The following MOXD1 variants were observed in gnomAD, a reference collection of about 807,000 sequenced individuals.
MOXD1 encodes monooxygenase DBH like 1.
In MOXD1, 62 loss-of-function variants were observed where a neutral mutation model predicts 66.6. The ratio of observed to expected loss-of-function variants is 0.93; its 90% CI spans 0.76 to 1.15. The LOEUF is 1.15. Ranked by LOEUF, MOXD1 falls within the 50% of genes most tolerant of loss-of-function variation. The pLI is 0.00. For synonymous variants in MOXD1, 303 were observed against 281.9 expected, an observed-to-expected ratio of 1.07 and a Z score of -0.75; for missense variants, 847 against 754.6, an observed-to-expected ratio of 1.12 and a Z score of -1.44.
intron 1 of MOXD1, among the ~76,000 whole-genome samples, chr6:132,385,044 C>T (rs149954041): frequency 2.0e-5 from 3 of 152,100 alleles, no homozygotes; most frequent in Admixed American, 6.5e-5. Flanking sequence ...GATTTAGTTT[C>T]GAGGAAGAGT....
At chr6:132,385,021 T>C (rs1200951152) in intron 1 of MOXD1, among the ~76,000 whole-genome samples, 1 of 152,002 alleles carries the variant, frequency 6.6e-6, no homozygotes, top group Non-Finnish European at 1.5e-5. Context: ...TGGAGAGAGG[T>C]GGGCAGGTGT....
chr6:132,381,489 A>T (rs1776507554), intron 1 of MOXD1, among the ~76,000 whole-genome samples: 1 of 152,150 alleles, frequency 6.6e-6, no homozygotes, highest in Non-Finnish European at 1.5e-5. Flanking sequence ...ACTTCATAGC[A>T]TTCAACTATT....
chr6:132,304,334 C>A (rs1774638548), intron 10 of MOXD1, among the ~76,000 whole-genome samples: 1 of 152,144 alleles, frequency 6.6e-6, no homozygotes. Flanking sequence ...ATCTTCACAA[C>A]AATAAGCAAT....
At chr6:132,311,101 C>T (rs983676724) in intron 10 of MOXD1, among the ~76,000 whole-genome samples, 2 of 152,160 alleles carry the variant, frequency 1.3e-5, no homozygotes, top group Non-Finnish European at 1.5e-5. Flanking sequence ...TTCCTCCATT[C>T]GTCCAGAGAG....
chr6:132,377,216 C>A (rs561960621), intron 1 of MOXD1, among the ~76,000 whole-genome samples: 6 of 152,252 alleles, frequency 3.9e-5, no homozygotes, highest in African/African-American at 1.4e-4. Context: ...ATTGTGAAAG[C>A]AATTTAAATG....
rs546028562 is a variant in MOXD1, at chr6:132,375,952, C to T, written c.265-1175G>A. On this transcript the variant is annotated intron_variant, in intron 1 of 11. Coordinates refer to ENST00000367963, the MANE Select transcript of MOXD1 (RefSeq NM_015529.4). ...GATGGTTTGGGCGGGGTCATAACTG[C>T]CTACATGGTTAGCGCCCATTCGATA... 2.5e-3 allele frequency among the ~76,000 whole-genome samples: 381 copies of T among 152,282 alleles called. 2 individuals are homozygous for T. Among genetic ancestry groups the T allele is most frequent in the African/African-American group, 8.6e-3 (358 of 41,558 alleles).
At chr6:132,311,290 T>C (rs1236722612) in intron 10 of MOXD1, among the ~76,000 whole-genome samples, 1 of 152,262 alleles carries the variant, frequency 6.6e-6, no homozygotes, top group East Asian at 1.9e-4. Context: ...AACTCATTAA[T>C]GTAGAAATCA....
At chr6:132,300,377 C>T (rs1259770320) in intron 10 of MOXD1, among the ~76,000 whole-genome samples, 1 of 152,038 alleles carries the variant, frequency 6.6e-6, no homozygotes, top group African/African-American at 2.4e-5. Context: ...AAAGCTACAG[C>T]TATTGATCAT....
At chr6:132,303,829 GTGTGTGTA>G (rs1774616436) in intron 10 of MOXD1, among the ~76,000 whole-genome samples, 10 of 70,604 alleles carry the variant, frequency 1.4e-4, no homozygotes, top group African/African-American at 3.9e-4. Flanking sequence ...GTGTGTGTGT[GTGTGTGTA>G]TATATATATA....
At chr6:132,375,243 G>T (rs1030251200) in intron 1 of MOXD1, among the ~76,000 whole-genome samples, 8 of 152,258 alleles carry the variant, frequency 5.3e-5, no homozygotes, top group African/African-American at 1.9e-4. Flanking sequence ...AGAGATCCGT[G>T]GGCAAGTGCG....
At chr6:132,366,848 A>G (rs1382876403) in intron 4 of MOXD1, among the ~76,000 whole-genome samples, 2 of 152,024 alleles carry the variant, frequency 1.3e-5, no homozygotes, top group Non-Finnish European at 2.9e-5. Flanking sequence ...AGGAAAATCA[A>G]TTTTCGAGTG....
chr6:132,379,241 A>C (rs1386761768), intron 1 of MOXD1, among the ~76,000 whole-genome samples: 1 of 152,122 alleles, frequency 6.6e-6, no homozygotes, highest in African/African-American at 2.4e-5. Flanking sequence ...TTAGCACATC[A>C]AAAGTCTAAA....
At chr6:132,350,791 T>C (rs1775785885) in intron 4 of MOXD1, among the ~76,000 whole-genome samples, 1 of 152,210 alleles carries the variant, frequency 6.6e-6, no homozygotes, top group African/African-American at 2.4e-5. Flanking sequence ...GTGTCATCTG[T>C]GATTTCTTTC....
intron 4 of MOXD1, among the ~76,000 whole-genome samples, chr6:132,331,078 G>A (rs1299301864): frequency 6.6e-6 from 1 of 152,156 alleles, no homozygotes; most frequent in Non-Finnish European, 1.5e-5. Context: ...GTTCAAGCAT[G>A]GTTGCATAGT....
rs754138264 is a variant in MOXD1 at position 132,393,255 on chromosome 6, T to G, written c.264+7908A>C. 3.2e-4 allele frequency among the ~76,000 whole-genome samples: 48 copies of G among 152,252 alleles called. 1 individual carries two copies. Among genetic ancestry groups the G allele is most frequent in the Non-Finnish European group, 5.1e-4 (35 of 68,020 alleles). ...GTAGTGCCAACAGAGAAAGGATGCA[T>G]GTAGACAGGAAGCTTCAAGATGGCT... On this transcript the variant is annotated intron_variant, in intron 1 of 11. Coordinates refer to ENST00000367963, the MANE Select transcript of MOXD1 (RefSeq NM_015529.4).
chr6:132,356,131 A>G (rs1775906306), intron 4 of MOXD1, among the ~76,000 whole-genome samples: 2 of 152,222 alleles, frequency 1.3e-5, no homozygotes, highest in Non-Finnish European at 2.9e-5. Flanking sequence ...TTGATACTCT[A>G]TTCTTGATCT....
At chr6:132,381,698 TG>T (rs1776516399) in intron 1 of MOXD1, among the ~76,000 whole-genome samples, 1 of 152,142 alleles carries the variant, frequency 6.6e-6, no homozygotes, top group African/African-American at 2.4e-5. Context: ...GGATAATCAA[TG>T]GATAGGTTAT....
At chr6:132,307,085 A>G (rs1774709584) in intron 10 of MOXD1, among the ~76,000 whole-genome samples, 1 of 152,226 alleles carries the variant, frequency 6.6e-6, no homozygotes, top group African/African-American at 2.4e-5. Context: ...CAAGCTGGAT[A>G]GAGTCAAGAC....
Position 132,309,104 on chromosome 6 carries a change from T to C in MOXD1, c.1508+6531A>G, listed in dbSNP as rs564809729. 2.0e-5 allele frequency among the ~76,000 whole-genome samples: 3 copies of C among 152,214 alleles called. No homozygotes were observed. The South Asian group carries it at 6.2e-4, about 32-fold the overall frequency. ...TATCTCTGTTTGCAGATGACATAAT[T>C]TTATATTTAGAAAACCCCATCATCT... On this transcript the variant is annotated intron_variant, in intron 10 of 11. Transcript: ENST00000367963.
Sources: gnomAD v4.1 joint callset for allele counts (sites outside exome capture counted in the v4.1 genomes callset) on GRCh38, gnomAD v4.1.1 for gene constraint, MANE v1.5 for transcripts, NCBI Gene and HGNC (gene_info 2026-07-23, HGNC 2026-07-21) for gene names.